Variants in ALG8 observed in about 807,000 individuals in gnomAD.
ALG8 encodes ALG8 alpha-1,3-glucosyltransferase, also known as dolichyl pyrophosphate Glc1Man9GlcNAc2 alpha-1,3-glucosyltransferase.
In ALG8, 48 loss-of-function variants were observed where a neutral mutation model predicts 70.2. The observed-to-expected ratio is 0.68, with a 90% confidence interval of 0.54 to 0.87. ALG8 has a LOEUF of 0.87. ALG8 is among the 40% of genes least tolerant of loss of function. The pLI is 0.00. For missense variants in ALG8, 572 were observed against 608.7 expected (o/e 0.94, Z 0.64); for synonymous variants, 234 against 229.0 (o/e 1.02, Z -0.20).
intron 1 of ALG8, among the ~76,000 whole-genome samples, chr11:78,131,972 T>C (rs1861328197): frequency 6.6e-6 from 1 of 152,236 alleles, no homozygotes; most frequent in Non-Finnish European, 1.5e-5. Flanking sequence ...GTACTCAACA[T>C]AGTCTAAAAG....
intron 1 of ALG8, 28 bp from the exon 2 acceptor site, chr11:78,127,464 T>C: frequency 6.3e-7 from 1 of 1,585,946 alleles, no homozygotes; most frequent in Non-Finnish European, 8.7e-7. Context: ...ATAAATAAAA[T>C]GAGATTTTGC....
Position 78,124,077 on chromosome 11 carries a change from A to T in ALG8, c.312T>A (p.Leu104=). The T allele has an allele frequency of 6.2e-7, 1 of 1,614,186 alleles. No homozygotes were observed. The highest frequency in any genetic ancestry group is 8.5e-7 in the Non-Finnish European group (1 of 1,180,028). Residue 104 remains leucine, a synonymous_variant, in exon 3 of 13, where the codon CTT becomes CTA. Transcript: ENST00000299626. ...TAAAGATGACGGAAAATCTCTGGAA[A>T]AGTAAGGTCCTTGAGCTGGAGTAAT... is the stretch of plus-strand genomic sequence containing the variant. The part of the protein sequence containing the change: ...NLNYSSSRTL[L]FQRFSVIFMD...
intron 9 of ALG8, chr11:78,107,877 T>G (rs1243742624): frequency 6.7e-6 from 1 of 149,518 alleles, no homozygotes; most frequent in Non-Finnish European, 1.5e-5. Flanking sequence ...CCGGGCCTAG[T>G]GACTCACGCC....
At chr11:78,122,140 G>A (rs1860847938) in intron 3 of ALG8, among the ~76,000 whole-genome samples, 1 of 152,092 alleles carries the variant, frequency 6.6e-6, no homozygotes, top group South Asian at 2.1e-4. Context: ...TACATTTGAA[G>A]AGTGGCAAAT....
intron 5 of ALG8, among the ~76,000 whole-genome samples, chr11:78,114,953 G>A (rs1301687894): frequency 1.3e-5 from 2 of 152,086 alleles, no homozygotes. Flanking sequence ...TCCAACTTGG[G>A]TGACAGAGTG....
Position 78,112,789 on chromosome 11 carries a change from A to C in ALG8, c.778-19T>G, listed in dbSNP as rs559465578. ...GCTGATTCTGTTGAAAAGAGAAATG[A>C]AACTGATTAAACAGTCATCAATCTT... On this transcript the variant is annotated intron_variant, in intron 7 of 12. Transcript: ENST00000299626. 1 of 1,611,972 alleles carries C rather than the reference A, an allele frequency of 6.2e-7. No individual in the cohort carries two copies. Among genetic ancestry groups the C allele is most frequent in the South Asian group, 1.1e-5 (1 of 90,992 alleles).
intron 1 of ALG8, among the ~76,000 whole-genome samples, chr11:78,136,750 G>A (rs1861571278): frequency 6.6e-6 from 1 of 152,140 alleles, no homozygotes; most frequent in Non-Finnish European, 1.5e-5. Flanking sequence ...ATCTTCCAAT[G>A]TAAGTCTGTT....
chr11:78,103,686 CTGT>C lies in ALG8; in HGVS notation c.1349+291_1349+293del, dbSNP rs201530380. Among the ~76,000 whole-genome samples, 965 of 152,262 alleles carry C rather than the reference CTGT, an allele frequency of 6.3e-3. 6 individuals are homozygous for C. The highest frequency in any genetic ancestry group is 0.022 in the African/African-American group (921 of 41,558). On this transcript the variant is annotated intron_variant, in intron 12 of 12. Coordinates refer to ENST00000299626, the MANE Select transcript of ALG8 (RefSeq NM_024079.5). ...ATCTTTTAGTTTTTTCCATATCTAT[CTGT>C]ATTTAATAGTTTTATTCATAAAGCA...
At chr11:78,108,502 T>G (rs909918631) in intron 9 of ALG8, among the ~76,000 whole-genome samples, 1 of 152,230 alleles carries the variant, frequency 6.6e-6, no homozygotes, top group Non-Finnish European at 1.5e-5. Context: ...AACAACTTAT[T>G]ACATCTTCAT....
chr11:78,120,565 C>T (rs536000707), intron 4 of ALG8, among the ~76,000 whole-genome samples: 2 of 152,196 alleles, frequency 1.3e-5, no homozygotes, highest in Admixed American at 6.5e-5. Context: ...TTCCTCCACA[C>T]CAGGCTACCT....
rs767551443 is a variant in ALG8 at position 78,139,273 on chromosome 11, A to G, written c.95+221T>C. 7.0e-5 allele frequency: 41 copies of G among 585,662 alleles called. No individual in the cohort carries two copies. The Middle Eastern group carries it at 3.1e-3, about 45-fold the overall frequency. 36.3% of individuals were successfully genotyped at this position (585,662 alleles called of 1,614,324 possible). On this transcript the variant is annotated intron_variant, in intron 1 of 12. Coordinates refer to ENST00000299626, the MANE Select transcript of ALG8 (RefSeq NM_024079.5). ...GAGGACCCTGAGGTTCAGAAACGTT[A>G]AAGTGATTTGTTCCAAATCAGACAG...
At chr11:78,117,611 C>CAAA (rs55823839) in intron 5 of ALG8, among the ~76,000 whole-genome samples, 19,786 of 128,128 alleles carry the variant, frequency 0.15, 1,505 homozygotes, top group East Asian at 0.29. Context: ...CCTTCTCTAC[C>CAAA]AAAAAAAAAA....
In ALG8 at chr11:78,135,779, C is replaced by T. The variant is rs376016160; in HGVS notation, c.95+3715G>A. Among the ~76,000 whole-genome samples, 149 of 151,098 alleles carry T rather than the reference C, an allele frequency of 9.9e-4. 4 individuals are homozygous for T. In the South Asian group the frequency reaches 0.029, roughly 30 times the overall value. ...AGGAGAATCACTCGAACCCGGGAAG[C>T]TGAGGTTGCAGTGAGCTGAGATTGT... On this transcript the variant is annotated intron_variant, in intron 1 of 12. Transcript: ENST00000299626.
In ALG8 at chr11:78,113,981, T is replaced by C. The variant is rs150736564; in HGVS notation, c.682A>G (p.Ile228Val). ...ACAAAGCTGAAACTCTTCCATCGAA[T>C]AGACCCATCTACAGAAAAGGAACAT... ...CFTANKPDGSIRWKSFSFVRV... is the reference protein window; with the variant it reads ...CFTANKPDGSVRWKSFSFVRV... The change falls in exon 7 of 13, where the codon ATT becomes GTT. Residue 228 changes from isoleucine to valine, a missense_variant. Physicochemically the swap from Ile to Val is conservative, Grantham distance 29. Transcript: ENST00000299626. 174 of 1,599,238 alleles carry C rather than the reference T, an allele frequency of 1.1e-4. No homozygotes were observed. The African/African-American group carries it at 2.0e-3, about 18-fold the overall frequency.
chr11:78,139,464 G>A, intron 1 of ALG8, 30 bp downstream of exon 1: 1 of 1,551,152 alleles, frequency 6.4e-7, no homozygotes, highest in Non-Finnish European at 8.7e-7. Flanking sequence ...GGGCCTCCCC[G>A]CCCAGCCCCT....
intron 7 of ALG8, among the ~76,000 whole-genome samples, chr11:78,113,364 T>C (rs1860390620): frequency 6.8e-6 from 1 of 147,156 alleles, no homozygotes; most frequent in Non-Finnish European, 1.5e-5. Flanking sequence ...CAGTTAAACA[T>C]ATACATGTAT....
Position 78,119,341 on chromosome 11 carries a change from T to G in ALG8, c.479-92A>C. On this transcript the variant is annotated intron_variant, in intron 4 of 12. Transcript: ENST00000299626. ...AGTATAGAAATTCCAAATGCTTTAA[T>G]AGCAAAATTAAAGACAAAAAATACT... 3.3e-6 allele frequency: 3 copies of G among 910,680 alleles called. No homozygotes were observed. In the South Asian group the frequency reaches 4.2e-5, roughly 13 times the overall value. The allele number at this position is 910,680 out of a possible 1,614,324, so 56.4% of individuals were successfully genotyped here. A position where few individuals can be genotyped will look rare whatever the true frequency, so the allele number is the denominator to read the frequency against.
In ALG8 at chr11:78,104,051, T is replaced by C; in HGVS notation, c.1278A>G (p.Glu426=). 6.7e-7 allele frequency: 1 copy of C among 1,493,008 alleles called. No homozygotes were observed. Among genetic ancestry groups the C allele is most frequent in the Non-Finnish European group, 9.3e-7 (1 of 1,073,622 alleles). 92.5% of individuals were successfully genotyped at this position (1,493,008 alleles called of 1,614,324 possible). ...ACATGAGTAAGATTTTAATGGGAAGTTCTGTTAAAAGAATAGAAAAAAAAA... is the reference window on the plus strand; with the variant it reads ...ACATGAGTAAGATTTTAATGGGAAGCTCTGTTAAAAGAATAGAAAAAAAAA... ...SLFPLLFTAP[E]LPIKILLMLL... Residue 426 remains glutamate (E), a splice_region_variant and synonymous_variant, in exon 12 of 13, where the codon GAA becomes GAG. Coordinates refer to ENST00000299626, the MANE Select transcript of ALG8 (RefSeq NM_024079.5).
chr11:78,125,917 T>C (rs1437648781), intron 2 of ALG8, among the ~76,000 whole-genome samples: 1 of 152,152 alleles, frequency 6.6e-6, no homozygotes, highest in Non-Finnish European at 1.5e-5. Flanking sequence ...CCCAGCACTT[T>C]GGGAGGCCGA....
Sources: allele counts gnomAD v4.1 joint callset (sites outside exome capture counted in the v4.1 genomes callset), GRCh38; gene constraint gnomAD v4.1.1; transcripts MANE v1.5; gene names NCBI Gene and HGNC (gene_info 2026-07-23, HGNC 2026-07-21).